The following PLXDC2 variants were observed in gnomAD, a reference collection of about 807,000 sequenced individuals.
PLXDC2 encodes the protein plexin domain containing 2.
In PLXDC2, 40 loss-of-function variants were observed where a neutral mutation model predicts 68.9. The observed-to-expected ratio is 0.58, with a 90% CI of 0.45 to 0.76. The LOEUF is 0.76. Ranked by LOEUF, PLXDC2 falls within the 30% of genes least tolerant of loss-of-function variation. The pLI is 0.00. For missense variants in PLXDC2, 644 were observed against 661.9 expected (o/e 0.97, Z 0.30); for synonymous variants, 243 against 234.2 (o/e 1.04, Z -0.34).
chr10:19,914,985 C>T (rs1833338957), intron 1 of PLXDC2, among the ~76,000 whole-genome samples: 1 of 152,144 alleles, frequency 6.6e-6, no homozygotes, highest in Non-Finnish European at 1.5e-5. Flanking sequence ...CACATCTTTA[C>T]TTTCATACTA....
intron 1 of PLXDC2, among the ~76,000 whole-genome samples, chr10:19,886,794 A>C (rs947584070): frequency 4.6e-5 from 7 of 152,206 alleles, no homozygotes; most frequent in Non-Finnish European, 8.8e-5. Flanking sequence ...TAAGATTTTT[A>C]TGAGAAAAAA....
chr10:20,202,437 A>C (rs974119506), intron 9 of PLXDC2, among the ~76,000 whole-genome samples: 1 of 152,136 alleles, frequency 6.6e-6, no homozygotes, highest in Admixed American at 6.6e-5. Context: ...GGGTTTCACT[A>C]TTTCCACATC....
At chr10:19,966,558 C>T (rs965104407) in intron 1 of PLXDC2, among the ~76,000 whole-genome samples, 1 of 151,512 alleles carries the variant, frequency 6.6e-6, no homozygotes, top group Non-Finnish European at 1.5e-5. Flanking sequence ...TGGGGTAAAG[C>T]AGCAAGTGAA....
At chr10:19,847,645 C>T (rs534023197) in intron 1 of PLXDC2, among the ~76,000 whole-genome samples, 19 of 152,316 alleles carry the variant, frequency 1.2e-4, no homozygotes, top group East Asian at 9.7e-4. Context: ...TTACTGCCCC[C>T]GCTCTCATTT....
At chr10:19,988,044 CTTTG>C (rs1834678477) in intron 1 of PLXDC2, among the ~76,000 whole-genome samples, 2 of 152,130 alleles carry the variant, frequency 1.3e-5, no homozygotes, top group South Asian at 4.1e-4. Context: ...TTCTCCCAGC[CTTTG>C]TTAGTCATGA....
chr10:20,011,124 T>C (rs1835106737), intron 2 of PLXDC2, among the ~76,000 whole-genome samples: 1 of 152,202 alleles, frequency 6.6e-6, no homozygotes, highest in Admixed American at 6.5e-5. Context: ...TAAAATCATG[T>C]TAAAATTAAT....
At chr10:19,976,593 G>A (rs117925399) in intron 1 of PLXDC2, among the ~76,000 whole-genome samples, 6,677 of 152,146 alleles carry the variant, frequency 0.044, 220 homozygotes, top group Non-Finnish European at 0.06. Context: ...TGCCATCAGC[G>A]TACAAAAATT....
At chr10:20,166,195 C>T (rs537130933) in intron 7 of PLXDC2, among the ~76,000 whole-genome samples, 7 of 152,096 alleles carry the variant, frequency 4.6e-5, no homozygotes, top group South Asian at 2.1e-4. Context: ...TTTAAAGCAA[C>T]GGATTAGCAG....
intron 1 of PLXDC2, among the ~76,000 whole-genome samples, chr10:19,886,870 C>T (rs1208975463): frequency 6.6e-6 from 1 of 152,168 alleles, no homozygotes; most frequent in African/African-American, 2.4e-5. Flanking sequence ...GCGTTCAACT[C>T]AACAGAAAAT....
In PLXDC2 at chr10:20,021,197, TTTG is replaced by T. The variant is rs745368998; in HGVS notation, c.324+19214_324+19216del. Among the ~76,000 whole-genome samples, 189 of 97,572 alleles carry T rather than the reference TTTG, an allele frequency of 1.9e-3. 1 individual carries two copies. Among genetic ancestry groups the T allele is most frequent in the Non-Finnish European group, 3.7e-3 (166 of 44,938 alleles). 64.0% of individuals were successfully genotyped at this position (97,572 alleles called of 152,430 possible). On this transcript the variant is annotated intron_variant, in intron 2 of 13. Transcript: ENST00000377252. Reference sequence around the variant, plus strand: ...CTTATGGTAACTTTATCCTGTTTTTTTTGTTTGTTTGTTTGTTTTTGTTTTGTT... The same window carrying T: ...CTTATGGTAACTTTATCCTGTTTTTTTTTGTTTGTTTGTTTTTGTTTTGTT...
chr10:19,930,007 T>C (rs1282574117), intron 1 of PLXDC2, among the ~76,000 whole-genome samples: 1 of 152,176 alleles, frequency 6.6e-6, no homozygotes, highest in African/African-American at 2.4e-5. Context: ...CATCTTTTAG[T>C]GCTCTCAGAA....
intron 1 of PLXDC2, among the ~76,000 whole-genome samples, chr10:19,884,067 T>TC (rs1473042331): frequency 8.6e-6 from 1 of 116,146 alleles, no homozygotes; most frequent in Non-Finnish European, 1.9e-5. Flanking sequence ...AATTTTTGTA[T>TC]TTTTTTTTTT....
chr10:20,066,998 G>T (rs1240045962), intron 3 of PLXDC2, among the ~76,000 whole-genome samples: 1 of 152,008 alleles, frequency 6.6e-6, no homozygotes, highest in African/African-American at 2.4e-5. Context: ...TATTAGGTTG[G>T]TGCAAAAGTA....
At chr10:19,951,520 T>C (rs538012567) in intron 1 of PLXDC2, among the ~76,000 whole-genome samples, 2 of 152,314 alleles carry the variant, frequency 1.3e-5, no homozygotes, top group African/African-American at 4.8e-5. Flanking sequence ...GGCAAGGCTG[T>C]GGAGAAAAGG....
chr10:19,955,296 C>G (rs1403037370), intron 1 of PLXDC2, among the ~76,000 whole-genome samples: 1 of 151,494 alleles, frequency 6.6e-6, no homozygotes, highest in Non-Finnish European at 1.5e-5. Flanking sequence ...GCCTCCCAAA[C>G]TGCTGAGATG....
At chr10:19,957,222 C>T (rs916391083) in intron 1 of PLXDC2, among the ~76,000 whole-genome samples, 8 of 152,092 alleles carry the variant, frequency 5.3e-5, no homozygotes, top group Non-Finnish European at 1.2e-4. Flanking sequence ...AGTTTTTGAG[C>T]AGAGAGTATA....
chr10:19,906,930 C>A (rs1833172457), intron 1 of PLXDC2, among the ~76,000 whole-genome samples: 1 of 152,162 alleles, frequency 6.6e-6, no homozygotes, highest in Non-Finnish European at 1.5e-5. Context: ...GAACAGACTG[C>A]ACAGTCATGT....
At chr10:19,951,100 G>A (rs1258479895) in intron 1 of PLXDC2, among the ~76,000 whole-genome samples, 1 of 152,106 alleles carries the variant, frequency 6.6e-6, no homozygotes, top group African/African-American at 2.4e-5. Context: ...AAGAATTTAT[G>A]ACTAAGTCCT....
chr10:20,284,847 T>G lies in PLXDC2; in HGVS notation c.*5028T>G, dbSNP rs1309355927. ...TGACAATCTGCTCTGTTCTGTAATATAGAACATTGGATCAATCTTTATCTT... is the reference window on the plus strand; with the variant it reads ...TGACAATCTGCTCTGTTCTGTAATAGAGAACATTGGATCAATCTTTATCTT... On this transcript the variant is annotated 3_prime_UTR_variant, in exon 14 of 14. Coordinates refer to ENST00000377252, the MANE Select transcript of PLXDC2 (RefSeq NM_032812.9). 1 of 152,172 alleles carries G rather than the reference T, an allele frequency of 6.6e-6. No homozygotes were observed. Among genetic ancestry groups the G allele is most frequent in the Non-Finnish European group, 1.5e-5 (1 of 68,036 alleles). 9.4% of individuals were successfully genotyped at this position (152,172 alleles called of 1,614,324 possible). A position where few individuals can be genotyped will look rare whatever the true frequency, so the allele number is the denominator to read the frequency against.
Sources: allele counts gnomAD v4.1 joint callset (sites outside exome capture counted in the v4.1 genomes callset), GRCh38; gene constraint gnomAD v4.1.1; transcripts MANE v1.5; gene names NCBI Gene and HGNC (gene_info 2026-07-23, HGNC 2026-07-21).